The following FBF1 variants were observed in gnomAD, a reference collection of about 807,000 sequenced individuals.
The protein encoded by FBF1 is Fas binding factor 1.
FBF1 carries 119 observed loss-of-function variants against 147.2 expected under a neutral mutation model. The observed-to-expected ratio is 0.81, with a 90% CI of 0.70 to 0.94. The LOEUF is 0.94. Ranked by LOEUF, FBF1 falls within the 40% of genes least tolerant of loss-of-function variation. FBF1 has a pLI of 0.00. For synonymous variants in FBF1, 601 were observed against 609.0 expected, an observed-to-expected ratio of 0.99 and a Z score of 0.19; for missense variants, 1,449 against 1,500.8, an observed-to-expected ratio of 0.97 and a Z score of 0.57.
Position 75,926,044 on chromosome 17 carries a change from T to C in FBF1, c.854A>G (p.Tyr285Cys). The C allele has an allele frequency of 1.2e-6, 2 of 1,611,396 alleles. No individual in the cohort carries two copies. Among genetic ancestry groups the C allele is most frequent in the Non-Finnish European group, 1.7e-6 (2 of 1,179,516 alleles). Residue 285 changes from tyrosine to cysteine, a missense_variant, in exon 12 of 30, where the codon TAC (tyrosine) becomes TGC (cysteine). Coordinates refer to ENST00000636174, the MANE Select transcript of FBF1 (RefSeq NM_001319193.2). ...EHREFKLDKKYQRPQDSEDMW... is the reference protein window; with the variant it reads ...EHREFKLDKKCQRPQDSEDMW... ...AGCCTCCTTACCCTGTGGCCTCTGG[T>C]ACTTCTTGTCTAGCTTGAACTCCCT... is the stretch of plus-strand genomic sequence containing the variant.
At position 75,914,829 on chromosome 17, in the gene FBF1, C is replaced by T; in HGVS notation, c.2732G>A (p.Ser911Asn). Residue 911 changes from serine to asparagine, a missense_variant, in exon 25 of 30, where the codon AGT becomes AAT. Transcript: ENST00000636174. ...GGCCTCGCGCTCGGCCCGCTCCTTACTCAGCTTTTGCTGCGCGGAGAACTC... is the reference window on the plus strand; with the variant it reads ...GGCCTCGCGCTCGGCCCGCTCCTTATTCAGCTTTTGCTGCGCGGAGAACTC... ...WAEFSAQQKL[S>N]KERAEREAER... 1.2e-6 allele frequency: 2 copies of T among 1,605,618 alleles called. No homozygotes were observed. Among genetic ancestry groups the T allele is most frequent in the Non-Finnish European group, 1.7e-6 (2 of 1,177,702 alleles).
At position 75,918,111 on chromosome 17, in the gene FBF1, G is replaced by A; in HGVS notation, c.2247-41C>T. On this transcript the variant is annotated intron_variant, in intron 21 of 29. Coordinates refer to ENST00000636174, the MANE Select transcript of FBF1 (RefSeq NM_001319193.2). The surrounding 1 kb of genome is among the most constrained non-coding windows in gnomAD (Gnocchi z 5.8). ...GTCACCCCCTCCTGACGGTCTCGGGGACCTTCCGGCCCCCAACGTCAGGCG... is the reference window on the plus strand; with the variant it reads ...GTCACCCCCTCCTGACGGTCTCGGGAACCTTCCGGCCCCCAACGTCAGGCG... 6.2e-7 allele frequency: 1 copy of A among 1,607,416 alleles called. No homozygotes were observed. The highest frequency in any genetic ancestry group is 8.5e-7 in the Non-Finnish European group (1 of 1,175,448).
intron 28 of FBF1, among the ~76,000 whole-genome samples, chr17:75,912,939 C>G (rs939624547): frequency 1.3e-5 from 2 of 151,788 alleles, no homozygotes; most frequent in Non-Finnish European, 2.9e-5. Flanking sequence ...ACTTGGGAGG[C>G]TGAGGTAAGA....
Position 75,925,426 on chromosome 17 carries a change from C to T in FBF1, c.889G>A (p.Asp297Asn), listed in dbSNP as rs376847537. 6.2e-7 allele frequency: 1 copy of T among 1,613,506 alleles called. No homozygotes were observed. The highest frequency in any genetic ancestry group is 1.3e-5 in the African/African-American group (1 of 74,912). Reference sequence around the variant, plus strand: ...TAGGCTCCAAAGGTGAAGTCCTCGTCACCCCACATATCTTCACTGTCTGTG... The same window carrying T: ...TAGGCTCCAAAGGTGAAGTCCTCGTTACCCCACATATCTTCACTGTCTGTG... ...RPQDSEDMWG[D>N]EDFTFGAYQP... Residue 297 changes from aspartate (D) to asparagine (N), a missense_variant, in exon 13 of 30, where the codon GAC becomes AAC. Physicochemically the swap from Asp to Asn is conservative, Grantham distance 23 (BLOSUM62 1). Transcript: ENST00000636174. This position sits in a 1 kb window ranked among gnomAD's most constrained non-coding sequence, Gnocchi z 5.0.
intron 9 of FBF1, 95 bp downstream of exon 9, chr17:75,927,360 A>G: frequency 2.9e-6 from 3 of 1,023,090 alleles, no homozygotes; most frequent in South Asian, 1.5e-5. Context: ...CCCATGTGAC[A>G]TAGGCAGCAG....
chr17:75,912,359 G>T (rs1346363312), intron 28 of FBF1, 52 bp from the exon 29 acceptor site: 3 of 1,405,052 alleles, frequency 2.1e-6, no homozygotes, highest in Non-Finnish European at 2.9e-6. Flanking sequence ...GGAAATACCG[G>T]GCGGTCACAG....
At position 75,917,860 on chromosome 17, in the gene FBF1, A is replaced by AC. The variant is rs1422563431; in HGVS notation, c.2387-11dup. On this transcript the variant is annotated splice_polypyrimidine_tract_variant and intron_variant, in intron 22 of 29. Transcript: ENST00000636174. ...AGCCGCTCCTGCAGTGCTGGGGGCA[A>AC]CCCACAGGGTGCTCAGCAGCTGCTC... The AC allele has an allele frequency of 6.3e-7, 1 of 1,591,978 alleles. No homozygotes were observed. The highest frequency in any genetic ancestry group is 8.5e-7 in the Non-Finnish European group (1 of 1,172,694).
In FBF1 at chr17:75,935,655, A is replaced by G. The variant is rs899822896; in HGVS notation, c.50T>C (p.Leu17Pro). The G allele has an allele frequency of 6.5e-7, 1 of 1,537,038 alleles. No homozygotes were observed. The highest frequency in any genetic ancestry group is 1.4e-5 in the African/African-American group (1 of 73,040). The change falls in exon 4 of 30, where the codon CTT becomes CCT. Residue 17 changes from leucine to proline, a missense_variant. Physicochemically the swap from Leu to Pro is moderately conservative, Grantham distance 98. Coordinates refer to ENST00000636174, the MANE Select transcript of FBF1 (RefSeq NM_001319193.2). ...KGCKGSIDDF[L>P]GDLLGDDMTL... ...ACTATCATCCCCTAGAAGGTCACCAAGAAAATCATCAATGGAGCCTGGAAC... is the reference window on the plus strand; with the variant it reads ...ACTATCATCCCCTAGAAGGTCACCAGGAAAATCATCAATGGAGCCTGGAAC...
chr17:75,925,845 T>C lies in FBF1; in HGVS notation c.868+185A>G, dbSNP rs1232438604. ...AAACAGCATCTCAATCATAGACAACTGAGCACGAACAGTGGTCACGGTAAG... is the reference window on the plus strand; with the variant it reads ...AAACAGCATCTCAATCATAGACAACCGAGCACGAACAGTGGTCACGGTAAG... On this transcript the variant is annotated intron_variant, in intron 12 of 29. Coordinates refer to ENST00000636174, the MANE Select transcript of FBF1 (RefSeq NM_001319193.2). The surrounding 1 kb of genome is among the most constrained non-coding windows in gnomAD (Gnocchi z 5.0). Among the ~76,000 whole-genome samples, 1 of 152,236 alleles carries C rather than the reference T, an allele frequency of 6.6e-6. No homozygotes were observed. Among genetic ancestry groups the C allele is most frequent in the East Asian group, 1.9e-4 (1 of 5,202 alleles).
intron 28 of FBF1, 41 bp from the exon 29 acceptor site, chr17:75,912,348 T>C: frequency 6.8e-7 from 1 of 1,469,964 alleles, no homozygotes; most frequent in Non-Finnish European, 9.2e-7. Flanking sequence ...AAAGTGTTGG[T>C]GGAAATACCG....
In FBF1 at chr17:75,937,609, C is replaced by G. The variant is rs138023067; in HGVS notation, c.4-16G>C. On this transcript the variant is annotated splice_polypyrimidine_tract_variant and intron_variant, in intron 2 of 29. Coordinates refer to ENST00000636174, the MANE Select transcript of FBF1 (RefSeq NM_001319193.2). ...TTTTTGGTGCCTAAAATGGGAAAAA[C>G]AAATCACATCAAGAAAACCAAACAG... is the stretch of plus-strand genomic sequence containing the variant. 3.0e-5 allele frequency: 48 copies of G among 1,613,830 alleles called. No homozygotes were observed. Among genetic ancestry groups the G allele is most frequent in the Middle Eastern group, 1.7e-4 (1 of 6,060 alleles).
In FBF1 at chr17:75,923,581, A is replaced by G. The variant is rs1413192607; in HGVS notation, c.1029T>C (p.Pro343=). Residue 343 remains proline, a synonymous_variant, in exon 14 of 30, where the codon CCT becomes CCC. Coordinates refer to ENST00000636174, the MANE Select transcript of FBF1 (RefSeq NM_001319193.2). This position sits in a 1 kb window ranked among gnomAD's most constrained non-coding sequence, Gnocchi z 4.1. ...GCTGGATGGGGCTGGAAGCCATTGG[A>G]GGGCTCTGTTTGGAGCCTGGTTCTC... ...PKGEPGSKQS[P]PMASSPIQPR... The G allele has an allele frequency of 1.9e-6, 3 of 1,610,586 alleles. No individual in the cohort carries two copies. The highest frequency in any genetic ancestry group is 2.5e-6 in the Non-Finnish European group (3 of 1,178,830).
chr17:75,939,570 T>C (rs775827884), intron 1 of FBF1, among the ~76,000 whole-genome samples: 3 of 151,950 alleles, frequency 2.0e-5, no homozygotes, highest in Non-Finnish European at 2.9e-5. Flanking sequence ...TTTTTAAAAT[T>C]TTTTTTTTCG....
chr17:75,920,366 G>A lies in FBF1; in HGVS notation c.1738C>T (p.Leu580=). The change falls in exon 18 of 30, where the codon CTG becomes TTG. Residue 580 remains leucine, a synonymous_variant. Transcript: ENST00000636174. ...CACTGAAGTTGCACCTGTGCTGCCAGGAGCTGCTTCTGGTATTCTGTGCTC... is the reference window on the plus strand; with the variant it reads ...CACTGAAGTTGCACCTGTGCTGCCAAGAGCTGCTTCTGGTATTCTGTGCTC... The part of the protein sequence containing the change: ...LPSTEYQKQL[L]AAQVQLQCSP... 6 of 1,606,268 alleles carry A rather than the reference G, an allele frequency of 3.7e-6. No individual in the cohort carries two copies. Among genetic ancestry groups the A allele is most frequent in the Non-Finnish European group, 5.1e-6 (6 of 1,177,004 alleles).
At chr17:75,929,950 A>ACACC in intron 7 of FBF1, 47 bp downstream of exon 7, 1 of 214,752 alleles carries the variant, frequency 4.7e-6, no homozygotes, top group Admixed American at 5.7e-5. Flanking sequence ...TCATGACCCC[A>ACACC]CCCCACCCAC....
chr17:75,922,117 G>A lies in FBF1; in HGVS notation c.1425-71C>T. 7.3e-7 allele frequency: 1 copy of A among 1,369,376 alleles called. No homozygotes were observed. Among genetic ancestry groups the A allele is most frequent in the Non-Finnish European group, 1.0e-6 (1 of 988,802 alleles). The allele number at this position is 1,369,376 out of a possible 1,614,324, so 84.8% of individuals were successfully genotyped here. A position where few individuals can be genotyped will look rare whatever the true frequency, so the allele number is the denominator to read the frequency against. The stretch of plus-strand genomic sequence containing the variant: ...TCAGGCTGGATGAAGACAGGGCCCA[G>A]GACGGGCTTCACACGTGAAGCTCGT... On this transcript the variant is annotated intron_variant, in intron 14 of 29. Transcript: ENST00000636174. The surrounding 1 kb of genome is among the most constrained non-coding windows in gnomAD (Gnocchi z 5.0).
rs1456052878 is a variant in FBF1, at chr17:75,918,821, T to C, written c.2139-552A>G. Reference sequence around the variant, plus strand: ...GCAGTCTTTCTTTTTTTTTTTTTTTTTCCTAGAGATGAGGTCTCACTATGT... The same window carrying C: ...GCAGTCTTTCTTTTTTTTTTTTTTTCTCCTAGAGATGAGGTCTCACTATGT... On this transcript the variant is annotated intron_variant, in intron 20 of 29. Transcript: ENST00000636174. The surrounding 1 kb of genome is among the most constrained non-coding windows in gnomAD (Gnocchi z 5.8). 2.0e-5 allele frequency among the ~76,000 whole-genome samples: 3 copies of C among 150,708 alleles called. No individual in the cohort carries two copies. The highest frequency in any genetic ancestry group is 3.0e-5 in the Non-Finnish European group (2 of 67,690).
chr17:75,940,244 TTTC>T (rs1397810864), intron 1 of FBF1, among the ~76,000 whole-genome samples: 2 of 150,774 alleles, frequency 1.3e-5, no homozygotes, highest in African/African-American at 2.4e-5. Flanking sequence ...CCTGGCCTTC[TTTC>T]TTTTTTTTTT....
intron 7 of FBF1, 52 bp downstream of exon 7, chr17:75,929,945 A>AGGGGGCCCCCCCCCCCC: frequency 6.1e-6 from 4 of 650,894 alleles, no homozygotes; most frequent in East Asian, 5.6e-5. Context: ...AAATATCATG[A>AGGGGGCCCCCCCCCCCC]CCCCACCCCA....
Sources: allele counts gnomAD v4.1 joint callset (sites outside exome capture counted in the v4.1 genomes callset), GRCh38; gene constraint gnomAD v4.1.1; non-coding constraint Gnocchi (gnomAD v3.1); transcripts MANE v1.5; gene names NCBI Gene and HGNC (gene_info 2026-07-23, HGNC 2026-07-21).